The following TTN variants were observed in gnomAD, a reference collection of about 807,000 sequenced individuals.
The protein encoded by TTN is titin, also known as connectin.
Under a neutral mutation model 3,223.0 loss-of-function variants are expected in TTN, and 1,525 were observed. The ratio of observed to expected loss-of-function variants is 0.47; its 90% CI spans 0.45 to 0.49. TTN has a LOEUF of 0.49. TTN is among the 20% of genes least tolerant of loss of function. The probability of loss-of-function intolerance (pLI) is 0.00; values close to 1 mark genes in which losing one functional copy is unlikely to be tolerated. For synonymous variants in TTN, 14,094 were observed against 15,161.0 expected, an observed-to-expected ratio of 0.93 and a Z score of 5.17; for missense variants, 40,786 against 43,424.0, an observed-to-expected ratio of 0.94 and a Z score of 5.40.
chr2:178,696,364 C>A (rs72650017), intron 113 of TTN, 95 bp from the exon 114 acceptor site: 2 of 1,043,168 alleles, frequency 1.9e-6, no homozygotes, highest in Non-Finnish European at 2.6e-6. Flanking sequence ...ATCAGTATTT[C>A]AGATCTATTT....
At position 178,563,301 on chromosome 2, in the gene TTN, C is replaced by G. The variant is rs759363145; in HGVS notation, c.82831G>C (p.Glu27611Gln). The change falls in exon 326 of 363, where the codon GAA becomes CAA. Residue 27611 changes from glutamate (E) to glutamine (Q), a missense_variant. Coordinates refer to ENST00000589042, the MANE Select transcript of TTN (RefSeq NM_001267550.2). This position sits in a 1 kb window ranked among gnomAD's most constrained non-coding sequence, Gnocchi z 4.5. ...GTTGTCCATTCATCCGCAGCAGCTT[C>G]TTTGACCTCTACAACATAGCCTTTA... ...PVKGYVVEVK[E>Q]AAADEWTTCT... 1.2e-6 allele frequency: 2 copies of G among 1,613,664 alleles called. No homozygotes were observed. Among genetic ancestry groups the G allele is most frequent in the Non-Finnish European group, 1.7e-6 (2 of 1,179,708 alleles).
In TTN at chr2:178,564,392, G is replaced by A. The variant is rs374380013; in HGVS notation, c.81740C>T (p.Ala27247Val). The change falls in exon 326 of 363, where the codon GCA becomes GTA. Residue 27247 changes from alanine (A) to valine (V), a missense_variant. By Grantham distance (64) the Ala-to-Val change is moderately conservative. Transcript: ENST00000589042. ...ACTAAAGTTTCCAGCTGCATTTCTT[G>A]CAATTACTCTAAATTCATATCTTTG... ...EDQRYEFRVI[A>V]RNAAGNFSEP... 2 of 1,613,436 alleles carry A rather than the reference G, an allele frequency of 1.2e-6. No individual in the cohort carries two copies. Among genetic ancestry groups the A allele is most frequent in the Non-Finnish European group, 1.7e-6 (2 of 1,179,758 alleles).
Position 178,548,572 on chromosome 2 carries a change from G to T in TTN, c.93054C>A (p.Gly31018=). The T allele has an allele frequency of 1.2e-6, 2 of 1,613,840 alleles. No individual in the cohort carries two copies. Among genetic ancestry groups the T allele is most frequent in the Non-Finnish European group, 1.7e-6 (2 of 1,179,804 alleles). ...TFTVKVLDTP[G]PPGPITFKDV... ...CTTTGAAGGTAATTGGGCCAGGTGG[G>T]CCTGGAGTGTCTAGCACTTTCACGG... Residue 31018 remains glycine (G), a synonymous_variant, in exon 339 of 363, where the codon GGC becomes GGA. Coordinates refer to ENST00000589042, the MANE Select transcript of TTN (RefSeq NM_001267550.2). This position sits in a 1 kb window ranked among gnomAD's most constrained non-coding sequence, Gnocchi z 4.3.
rs377312063 is a variant in TTN, at chr2:178,590,105, A to G, written c.61620T>C (p.Val20540=). 1.9e-6 allele frequency: 3 copies of G among 1,613,138 alleles called. No homozygotes were observed. Among genetic ancestry groups the G allele is most frequent in the Non-Finnish European group, 2.5e-6 (3 of 1,179,492 alleles). Residue 20540 remains valine (V), a synonymous_variant, in exon 304 of 363, where the codon GTT becomes GTC. Coordinates refer to ENST00000589042, the MANE Select transcript of TTN (RefSeq NM_001267550.2). ...TGATATACTTGCCATGATCAGCTCT[A>G]ACAGCTTCTTTAATTTGTAACTCAA... is the stretch of plus-strand genomic sequence containing the variant. ...PRVELQIKEA[V]RADHGKYIIS...
rs72646819 is a variant in TTN, at chr2:178,602,132, A to G, written c.55139T>C (p.Ile18380Thr). The G allele has an allele frequency of 6.4e-5, 102 of 1,605,914 alleles. 1 individual carries two copies. The Middle Eastern group carries it at 4.3e-3, about 68-fold the overall frequency. The change falls in exon 284 of 363, where the codon ATT becomes ACT. Residue 18380 changes from isoleucine (I) to threonine (T), a missense_variant. Physicochemically the swap from Ile to Thr is moderately conservative, Grantham distance 89 (BLOSUM62 -1). Coordinates refer to ENST00000589042, the MANE Select transcript of TTN (RefSeq NM_001267550.2). ...TDIQEEPEVF[I>T]DIGAQDCLVC... ...CAGACAGTCCTGTGCTCCAATGTCAATGAAAACTTCTGGTTCCTCTGTAAT... is the reference window on the plus strand; with the variant it reads ...CAGACAGTCCTGTGCTCCAATGTCAGTGAAAACTTCTGGTTCCTCTGTAAT...
At chr2:178,540,418 A>AAAAT (rs754192244) in intron 350 of TTN, 48 bp from the exon 351 acceptor site, 89 of 1,466,634 alleles carry the variant, frequency 6.1e-5, no homozygotes, top group Non-Finnish European at 7.9e-5. Context: ...TGCAAAGTTG[A>AAAAT]AAATTAGCTG....
Position 178,586,636 on chromosome 2 carries a change from T to C in TTN, c.64265A>G (p.Lys21422Arg). ...GCCAGTGACAACAAGGCTCAGATCT[T>C]TTACCACTGAGTACTCTGTCCAGCG... ...ADRWTEYSVV[K>R]DLSLVVTGLK... is the part of the protein sequence containing the mutation. Residue 21422 changes from lysine (K) to arginine (R), a missense_variant, in exon 308 of 363, where the codon AAA becomes AGA. Coordinates refer to ENST00000589042, the MANE Select transcript of TTN (RefSeq NM_001267550.2). 6.2e-7 allele frequency: 1 copy of C among 1,613,236 alleles called. No individual in the cohort carries two copies. The highest frequency in any genetic ancestry group is 8.5e-7 in the Non-Finnish European group (1 of 1,179,424).
rs778050958 is a variant in TTN, at chr2:178,558,192, T to C, written c.87162A>G (p.Val29054=). 1.9e-6 allele frequency: 3 copies of C among 1,612,326 alleles called. No homozygotes were observed. The highest frequency in any genetic ancestry group is 2.5e-6 in the Non-Finnish European group (3 of 1,179,576). Residue 29054 remains valine (V), a synonymous_variant, in exon 328 of 363, where the codon GTA becomes GTG. Coordinates refer to ENST00000589042, the MANE Select transcript of TTN (RefSeq NM_001267550.2). ...TAAGGTTTGAACCAGCTCTAACATA[T>C]ACAGTGTGACTTGGGAAATTCTTCA... ...IDMKNFPSHT[V]YVRAGSNLKV...
In TTN at chr2:178,677,240, G is replaced by T; in HGVS notation, c.34339C>A (p.Pro11447Thr). Residue 11447 changes from proline (P) to threonine (T), a missense_variant, in exon 147 of 363, where the codon CCC (proline) becomes ACC (threonine). By Grantham distance (38) the Pro-to-Thr change is conservative. Transcript: ENST00000589042. ...KPVPEKKVPV[P>T]APKKVEPPPP... ...GGAGGTTCCACTTTTTTAGGGGCGG[G>T]AACAGGGACTTTCTTCTCTGGTACA... The T allele has an allele frequency of 8.2e-7, 1 of 1,221,942 alleles. No homozygotes were observed. Among genetic ancestry groups the T allele is most frequent in the Non-Finnish European group, 1.0e-6 (1 of 982,628 alleles). The allele number at this position is 1,221,942 out of a possible 1,614,324, so 75.7% of individuals were successfully genotyped here.
chr2:178,527,768 C>A lies in TTN; in HGVS notation c.107378-20G>T. 6.5e-7 allele frequency: 1 copy of A among 1,546,382 alleles called. No homozygotes were observed. The highest frequency in any genetic ancestry group is 2.3e-5 in the East Asian group (1 of 44,272). On this transcript the variant is annotated intron_variant, in intron 361 of 362. Transcript: ENST00000589042. ...CTAGAGCTGTGGAGCATAGCAGATA[C>A]ACAGTGAACATCAATGACATCTGGT...
At position 178,546,850 on chromosome 2, in the gene TTN, A is replaced by C; in HGVS notation, c.94578T>G (p.Ile31526Met). The change falls in exon 341 of 363, where the codon ATT becomes ATG. Residue 31526 changes from isoleucine (I) to methionine (M), a missense_variant. Coordinates refer to ENST00000589042, the MANE Select transcript of TTN (RefSeq NM_001267550.2). The stretch of plus-strand genomic sequence containing the variant: ...CTCCATCATACGCTGGGGCAGACCA[A>C]ATCAGTGATACTGTTGATCTTGTGA... Reference protein sequence around the residue: ...TDVTRSTVSLIWSAPAYDGGS... With the variant: ...TDVTRSTVSLMWSAPAYDGGS... The C allele has an allele frequency of 6.2e-7, 1 of 1,603,954 alleles. No homozygotes were observed. The highest frequency in any genetic ancestry group is 8.5e-7 in the Non-Finnish European group (1 of 1,172,424).
intron 98 of TTN, among the ~76,000 whole-genome samples, 161 bp from the exon 99 acceptor site, chr2:178,710,017 T>G (rs2076428489): frequency 6.6e-6 from 1 of 152,242 alleles, no homozygotes; most frequent in Non-Finnish European, 1.5e-5. Flanking sequence ...AGCCTCCTTC[T>G]ACGAGCTTAT....
In TTN at chr2:178,724,316, A is replaced by G. The variant is rs1377671005; in HGVS notation, c.21059T>C (p.Phe7020Ser). 3.7e-6 allele frequency: 6 copies of G among 1,613,432 alleles called. No homozygotes were observed. The highest frequency in any genetic ancestry group is 2.2e-5 in the East Asian group (1 of 44,856). The stretch of plus-strand genomic sequence containing the variant: ...TTTCCCAACATTATTTTGAACCTGG[A>G]AAGTGTATGTGCCTGCATCTTGCCT... ...VERQDAGTYT[F>S]QVQNNVGKSS... The change falls in exon 72 of 363, where the codon TTC becomes TCC. Residue 7020 changes from phenylalanine to serine, a missense_variant. Physicochemically the swap from Phe to Ser is radical, Grantham distance 155. Coordinates refer to ENST00000589042, the MANE Select transcript of TTN (RefSeq NM_001267550.2).
chr2:178,626,032 C>G (rs1429479674), intron 240 of TTN, among the ~76,000 whole-genome samples: 1 of 151,710 alleles, frequency 6.6e-6, no homozygotes, highest in African/African-American at 2.4e-5. Context: ...ATATGTGTGC[C>G]CCCATTCTGC....
Position 178,538,647 on chromosome 2 carries a change from C to A in TTN, c.99182G>T (p.Gly33061Val), listed in dbSNP as rs760665075. The change falls in exon 354 of 363, where the codon GGA becomes GTA. Residue 33061 changes from glycine to valine, a missense_variant. Gly to Val is a moderately radical substitution (Grantham distance 109). Transcript: ENST00000589042. ...ERIKDKQFTI[G>V]GLLEATEYEF... ...ATACTCAGTAGCTTCCAGCAAACCTCCTATTGTGAATTGCTTGTCCTTAAT... is the reference window on the plus strand; with the variant it reads ...ATACTCAGTAGCTTCCAGCAAACCTACTATTGTGAATTGCTTGTCCTTAAT... 1.2e-6 allele frequency: 2 copies of A among 1,613,692 alleles called. No homozygotes were observed. The highest frequency in any genetic ancestry group is 8.5e-7 in the Non-Finnish European group (1 of 1,179,774).
At position 178,632,779 on chromosome 2, in the gene TTN, G is replaced by C. The variant is rs1427373218; in HGVS notation, c.43227C>G (p.Ile14409Met). The C allele has an allele frequency of 2.5e-6, 4 of 1,612,990 alleles. No homozygotes were observed. In the South Asian group the frequency reaches 4.4e-5, roughly 18 times the overall value. ...TAACATCACTGAGAGGTGTGATGAA[G>C]ATAAGAGGCAATTCTGAAAGAAGTG... ...ANLKVKELPLIFITPLSDVKV... is the reference protein window; with the variant it reads ...ANLKVKELPLMFITPLSDVKV... Residue 14409 changes from isoleucine to methionine, a missense_variant, in exon 235 of 363, where the codon ATC becomes ATG. Coordinates refer to ENST00000589042, the MANE Select transcript of TTN (RefSeq NM_001267550.2).
rs1369185646 is a variant in TTN, at chr2:178,602,080, C to T, written c.55191G>A (p.Arg18397=). 6.2e-7 allele frequency: 1 copy of T among 1,612,614 alleles called. No homozygotes were observed. The highest frequency in any genetic ancestry group is 1.3e-5 in the African/African-American group (1 of 74,836). ...CLVCKAGSQI[R]IPAVIKGRPT... is the part of the protein sequence containing the mutation. ...GGCGTCCCTTGATGACAGCAGGAATCCTAATCTGTGAGCCAGCTTTACAAA... is the reference window on the plus strand; with the variant it reads ...GGCGTCCCTTGATGACAGCAGGAATTCTAATCTGTGAGCCAGCTTTACAAA... The change falls in exon 284 of 363, where the codon AGG becomes AGA. Residue 18397 remains arginine, a synonymous_variant. Coordinates refer to ENST00000589042, the MANE Select transcript of TTN (RefSeq NM_001267550.2).
At chr2:178,581,847 TC>T (rs1308005769) in intron 315 of TTN, 43 bp from the exon 316 acceptor site, 12 of 1,601,416 alleles carry the variant, frequency 7.5e-6, no homozygotes, top group Middle Eastern at 1.7e-4. Flanking sequence ...AAAACTTCCT[TC>T]CTGGGTGTTT....
In TTN at chr2:178,587,151, C is replaced by T; in HGVS notation, c.64060G>A (p.Val21354Ile). Reference protein sequence around the residue: ...NEYGPGVPTDVPKPVLASDPL... With the variant: ...NEYGPGVPTDIPKPVLASDPL... ...TCTGATGCAAGCACTGGTTTTGGGA[C>T]ATCTGTTGGGACGCCAGGGCCATAT... Residue 21354 changes from valine to isoleucine, a missense_variant, in exon 307 of 363, where the codon GTC (valine) becomes ATC (isoleucine). Coordinates refer to ENST00000589042, the MANE Select transcript of TTN (RefSeq NM_001267550.2). 3 of 1,613,200 alleles carry T rather than the reference C, an allele frequency of 1.9e-6. No individual in the cohort carries two copies. Among genetic ancestry groups the T allele is most frequent in the Non-Finnish European group, 2.5e-6 (3 of 1,179,390 alleles).
Sources: gnomAD v4.1 joint callset for allele counts (sites outside exome capture counted in the v4.1 genomes callset) on GRCh38, gnomAD v4.1.1 for gene constraint, Gnocchi (gnomAD v3.1) non-coding constraint, MANE v1.5 for transcripts, NCBI Gene and HGNC (gene_info 2026-07-23, HGNC 2026-07-21) for gene names.